Variants in SLC15A3 observed in about 807,000 individuals in gnomAD.
The protein encoded by SLC15A3 is solute carrier family 15 member 3.
In SLC15A3, 39 loss-of-function variants were observed where a neutral mutation model predicts 49.2. The observed-to-expected ratio is 0.79, with a 90% CI of 0.61 to 1.04. SLC15A3 has a LOEUF of 1.04. Ranked by LOEUF, SLC15A3 falls within the 50% of genes least tolerant of loss-of-function variation. The probability of loss-of-function intolerance (pLI) is 0.00; values close to 1 mark genes in which losing one functional copy is unlikely to be tolerated. For missense variants in SLC15A3, 758 were observed against 794.8 expected (o/e 0.95, Z 0.56); for synonymous variants, 339 against 367.0 (o/e 0.92, Z 0.87).
Position 60,940,274 on chromosome 11 carries a change from CCT to C in SLC15A3, c.1277-638_1277-637del, listed in dbSNP as rs1856690811. On this transcript the variant is annotated intron_variant, in intron 5 of 7. Transcript: ENST00000227880. ...GTGTGACCTTGGGCAAATCACTTAA[CCT>C]CTCTAGACTCAGTTCCCTTACTCAA... The C allele has an allele frequency of 2.0e-5, 3 of 153,548 alleles. No individual in the cohort carries two copies. In the South Asian group the frequency reaches 6.1e-4, roughly 31 times the overall value. The allele number at this position is 153,548 out of a possible 1,614,324, so 9.5% of individuals were successfully genotyped here. A position where few individuals can be genotyped will look rare whatever the true frequency, so the allele number is the denominator to read the frequency against.
chr11:60,951,518 C>T lies in SLC15A3; in HGVS notation c.34G>A (p.Val12Met). 3 of 1,207,018 alleles carry T rather than the reference C, an allele frequency of 2.5e-6. No individual in the cohort carries two copies. Among genetic ancestry groups the T allele is most frequent in the South Asian group, 8.1e-5 (2 of 24,612 alleles). 74.8% of individuals were successfully genotyped at this position (1,207,018 alleles called of 1,614,324 possible). A position where few individuals can be genotyped will look rare whatever the true frequency, so the allele number is the denominator to read the frequency against. The change falls in exon 1 of 8, where the codon GTG becomes ATG. Residue 12 changes from valine (V) to methionine (M), a missense_variant. Coordinates refer to ENST00000227880, the MANE Select transcript of SLC15A3 (RefSeq NM_016582.3). ...AGCAGCGGCTGGCGCTCCCCGGGCACGCGGGGCTGCTCCCGGGCGCGCGGC... is the reference window on the plus strand; with the variant it reads ...AGCAGCGGCTGGCGCTCCCCGGGCATGCGGGGCTGCTCCCGGGCGCGCGGC... ...PAPRAREQPR[V>M]PGERQPLLPR...
Position 60,950,928 on chromosome 11 carries a change from TG to T in SLC15A3, c.558+65del. On this transcript the variant is annotated intron_variant, in intron 1 of 7. Transcript: ENST00000227880. Reference sequence around the variant, plus strand: ...GGACCTGGTTTGTCCCAGGTCACGCTGGGGGCCAGCCCTCCTTCCCTCCACA... The same window carrying T: ...GGACCTGGTTTGTCCCAGGTCACGCTGGGGCCAGCCCTCCTTCCCTCCACA... The T allele has an allele frequency of 1.8e-5, 25 of 1,368,966 alleles. No individual in the cohort carries two copies. The South Asian group carries it at 3.8e-4, about 21-fold the overall frequency. The allele number at this position is 1,368,966 out of a possible 1,614,324, so 84.8% of individuals were successfully genotyped here. A position where few individuals can be genotyped will look rare whatever the true frequency, so the allele number is the denominator to read the frequency against.
chr11:60,946,439 C>CCAGTTG, intron 2 of SLC15A3, 93 bp downstream of exon 2: 1 of 1,400,380 alleles, frequency 7.1e-7, no homozygotes, highest in Non-Finnish European at 9.6e-7. Context: ...TGTAGCTGAA[C>CCAGTTG]CAGAATGTCT....
At chr11:60,941,525 T>A (rs1003887779) in intron 4 of SLC15A3, 1 of 479,590 alleles carries the variant, frequency 2.1e-6, no homozygotes, top group African/African-American at 2.0e-5. Flanking sequence ...TATGGAACAT[T>A]TATGGGCTCA....
intron 1 of SLC15A3, among the ~76,000 whole-genome samples, chr11:60,948,363 G>A (rs1035246941): frequency 6.6e-6 from 1 of 152,322 alleles, no homozygotes; most frequent in Admixed American, 6.5e-5. Flanking sequence ...CTCTAAGGGG[G>A]AAGACCAGGC....
Position 60,951,652 on chromosome 11 carries a change from C to A in SLC15A3, c.-101G>T. 1.1e-6 allele frequency: 1 copy of A among 933,832 alleles called. No homozygotes were observed. Among genetic ancestry groups the A allele is most frequent in the Non-Finnish European group, 1.3e-6 (1 of 772,498 alleles). The allele number at this position is 933,832 out of a possible 1,614,324, so 57.8% of individuals were successfully genotyped here. A position where few individuals can be genotyped will look rare whatever the true frequency, so the allele number is the denominator to read the frequency against. On this transcript the variant is annotated 5_prime_UTR_variant, in exon 1 of 8. Coordinates refer to ENST00000227880, the MANE Select transcript of SLC15A3 (RefSeq NM_016582.3). ...CCGGGCCTCGGCCCTCTCCCCCACC[C>A]AACTGGCTGGCCCTCCTTTCTCACC... is the stretch of plus-strand genomic sequence containing the variant.
chr11:60,947,857 C>T (rs1051037623), intron 1 of SLC15A3: 1 of 152,210 alleles, frequency 6.6e-6, no homozygotes, highest in African/African-American at 2.4e-5. Flanking sequence ...TAGCTGCTTC[C>T]AAATCTCCCA....
chr11:60,939,365 G>T (rs912858744), intron 6 of SLC15A3, 115 bp downstream of exon 6: 1 of 1,277,806 alleles, frequency 7.8e-7, no homozygotes, highest in Non-Finnish European at 1.1e-6. Context: ...AGAAAACACT[G>T]CCTTCCTCCA....
chr11:60,949,708 CT>C (rs914889026), intron 1 of SLC15A3, among the ~76,000 whole-genome samples: 1 of 152,200 alleles, frequency 6.6e-6, no homozygotes, highest in Non-Finnish European at 1.5e-5. Context: ...TGAAACGATC[CT>C]TTTGAAAAAT....
At chr11:60,941,931 G>T in intron 4 of SLC15A3, 104 bp downstream of exon 4, 2 of 1,119,932 alleles carry the variant, frequency 1.8e-6, no homozygotes, top group South Asian at 1.3e-5. Flanking sequence ...AGGTTGCCTT[G>T]CAGGCAGGAA....
At chr11:60,941,980 A>T in intron 4 of SLC15A3, 55 bp downstream of exon 4, 1 of 1,532,942 alleles carries the variant, frequency 6.5e-7, no homozygotes, top group Non-Finnish European at 9.0e-7. Flanking sequence ...TCCTCTTCTC[A>T]GAGGAAGCCG....
At chr11:60,941,457 A>G in intron 4 of SLC15A3, 167 bp from the exon 5 acceptor site, 1 of 614,238 alleles carries the variant, frequency 1.6e-6, no homozygotes, top group Non-Finnish European at 2.7e-6. Flanking sequence ...GGGATTATGT[A>G]GAGATGGCAA....
In SLC15A3 at chr11:60,947,522, G is replaced by T. The variant is rs117393324; in HGVS notation, c.559-701C>A. 7.5e-3 allele frequency among the ~76,000 whole-genome samples: 1,137 copies of T among 152,278 alleles called. 4 individuals carry two copies. Among genetic ancestry groups the T allele is most frequent in the Middle Eastern group, 0.031 (9 of 294 alleles). On this transcript the variant is annotated intron_variant, in intron 1 of 7. Transcript: ENST00000227880. ...TCAGAAAAAAGCCAATAAGATCTCAGTTTTATTGCACATTATTAAAAATGT... is the reference window on the plus strand; with the variant it reads ...TCAGAAAAAAGCCAATAAGATCTCATTTTTATTGCACATTATTAAAAATGT...
In SLC15A3 at chr11:60,951,348, G is replaced by A; in HGVS notation, c.204C>T (p.Thr68=). 2 of 1,547,570 alleles carry A rather than the reference G, an allele frequency of 1.3e-6. No homozygotes were observed. The highest frequency in any genetic ancestry group is 2.6e-5 in the East Asian group (1 of 38,226). ...GCGCGGCGCGCGTCGCCTGCTCGCC[G>A]GTCCAGTTGAAGTTGGTGCTGTTGA... ...LYLNSTNFNW[T]GEQATRAALV... Residue 68 remains threonine (T), a synonymous_variant, in exon 1 of 8, where the codon ACC becomes ACT. Coordinates refer to ENST00000227880, the MANE Select transcript of SLC15A3 (RefSeq NM_016582.3).
chr11:60,951,103 C>T lies in SLC15A3; in HGVS notation c.449G>A (p.Arg150His), dbSNP rs748314837. 4 of 1,474,810 alleles carry T rather than the reference C, an allele frequency of 2.7e-6. No individual in the cohort carries two copies. Among genetic ancestry groups the T allele is most frequent in the Non-Finnish European group, 3.6e-6 (4 of 1,122,812 alleles). The allele number at this position is 1,474,810 out of a possible 1,614,324, so 91.4% of individuals were successfully genotyped here. A position where few individuals can be genotyped will look rare whatever the true frequency, so the allele number is the denominator to read the frequency against. Reference protein sequence around the residue: ...GPACPSAGCPRSSPSPYCAPV... With the variant: ...GPACPSAGCPHSSPSPYCAPV... ...CGCGCAGTAGGGGCTGGGCGAGGAG[C>T]GCGGGCAGCCGGCCGAGGGGCAGGC... The change falls in exon 1 of 8, where the codon CGC (arginine) becomes CAC (histidine). Residue 150 changes from arginine (R) to histidine (H), a missense_variant. Arg to His is a conservative substitution (Grantham distance 29). Transcript: ENST00000227880.
At chr11:60,946,186 G>A (rs1430778362) in intron 2 of SLC15A3, among the ~76,000 whole-genome samples, 12 of 151,976 alleles carry the variant, frequency 7.9e-5, no homozygotes, top group Admixed American at 5.9e-4. Flanking sequence ...TAGAGATGAG[G>A]TTTCACCATG....
chr11:60,938,046 CG>C, intron 6 of SLC15A3, 21 bp from the exon 7 acceptor site: 1 of 1,611,604 alleles, frequency 6.2e-7, no homozygotes, highest in Non-Finnish European at 8.5e-7. Flanking sequence ...GGAGCAGAGA[CG>C]ATCTCAGGGG....
intron 5 of SLC15A3, chr11:60,939,911 C>A: frequency 2.4e-6 from 1 of 410,576 alleles, no homozygotes; most frequent in Non-Finnish European, 4.4e-6. Flanking sequence ...ATGTGCTAGG[C>A]ATTTACCATG....
Position 60,940,965 on chromosome 11 carries a change from A to G in SLC15A3, c.1276+157T>C, listed in dbSNP as rs555893950. On this transcript the variant is annotated intron_variant, in intron 5 of 7. Coordinates refer to ENST00000227880, the MANE Select transcript of SLC15A3 (RefSeq NM_016582.3). Reference sequence around the variant, plus strand: ...ATGAGGGGCAGCTGGATTAGATAGGAGGGTCTCTTTCAGCTTGCACCTCTG... The same window carrying G: ...ATGAGGGGCAGCTGGATTAGATAGGGGGGTCTCTTTCAGCTTGCACCTCTG... 5.9e-6 allele frequency: 4 copies of G among 673,050 alleles called. No homozygotes were observed. In the East Asian group the frequency reaches 1.2e-4, roughly 21 times the overall value. The allele number at this position is 673,050 out of a possible 1,614,324, so 41.7% of individuals were successfully genotyped here.
Sources: allele counts gnomAD v4.1 joint callset (sites outside exome capture counted in the v4.1 genomes callset), GRCh38; gene constraint gnomAD v4.1.1; transcripts MANE v1.5; gene names NCBI Gene and HGNC (gene_info 2026-07-23, HGNC 2026-07-21).